Variants in SPTLC3 observed in about 807,000 individuals in gnomAD.
SPTLC3 encodes the protein serine palmitoyltransferase 3.
Under a neutral mutation model 59.3 loss-of-function variants are expected in SPTLC3, and 36 were observed. That is an observed-to-expected ratio of 0.61 (90% CI 0.47 to 0.80). SPTLC3 has a LOEUF of 0.80. Ranked by LOEUF, SPTLC3 falls within the 30% of genes least tolerant of loss-of-function variation. The pLI is 0.00. For missense variants in SPTLC3, 625 were observed against 685.1 expected (o/e 0.91, Z 0.98); for synonymous variants, 257 against 240.8 (o/e 1.07, Z -0.62).
chr20:13,021,239 C>G (rs1327965033), intron 1 of SPTLC3, among the ~76,000 whole-genome samples: 1 of 152,176 alleles, frequency 6.6e-6, no homozygotes, highest in Non-Finnish European at 1.5e-5. Context: ...TCCTCCTCCT[C>G]TCTTTGACCT....
intron 5 of SPTLC3, among the ~76,000 whole-genome samples, chr20:13,092,568 A>G (rs1989263816): frequency 1.3e-5 from 2 of 152,210 alleles, no homozygotes; most frequent in African/African-American, 4.8e-5. Flanking sequence ...GGATGTGATC[A>G]CTGAATTGTG....
chr20:13,121,618 C>T (rs2037869272), intron 8 of SPTLC3, among the ~76,000 whole-genome samples: 1 of 152,170 alleles, frequency 6.6e-6, no homozygotes, highest in Non-Finnish European at 1.5e-5. Context: ...CCAGACTCGC[C>T]TTGCAAAAGA....
chr20:13,107,523 T>C (rs1247563608), intron 6 of SPTLC3, among the ~76,000 whole-genome samples: 1 of 152,162 alleles, frequency 6.6e-6, no homozygotes, highest in Admixed American at 6.5e-5. Context: ...AATTTGTCAA[T>C]TAGGTAATAT....
At chr20:13,058,421 A>T (rs1005280004) in intron 2 of SPTLC3, among the ~76,000 whole-genome samples, 2 of 152,210 alleles carry the variant, frequency 1.3e-5, no homozygotes, top group Admixed American at 1.3e-4. Context: ...ATATACTAAT[A>T]AGTATGCAGC....
intron 1 of SPTLC3, among the ~76,000 whole-genome samples, chr20:13,046,649 A>G (rs1987245990): frequency 6.6e-6 from 1 of 152,148 alleles, no homozygotes; most frequent in African/African-American, 2.4e-5. Context: ...GATGTAGTCT[A>G]AAGTTCAAGT....
chr20:13,118,333 C>A (rs1181480939), intron 8 of SPTLC3, among the ~76,000 whole-genome samples: 7 of 151,232 alleles, frequency 4.6e-5, no homozygotes, highest in African/African-American at 1.5e-4. Flanking sequence ...AGGTCAAATC[C>A]TGCCATTCTC....
rs181127460 is a variant in SPTLC3, at chr20:13,149,873, C to T, written c.1280-4130C>T. Among the ~76,000 whole-genome samples, 9 of 152,224 alleles carry T rather than the reference C, an allele frequency of 5.9e-5. No homozygotes were observed. The East Asian group carries it at 9.7e-4, about 16-fold the overall frequency. On this transcript the variant is annotated intron_variant, in intron 9 of 11. Coordinates refer to ENST00000399002, the MANE Select transcript of SPTLC3 (RefSeq NM_018327.4). Reference sequence around the variant, plus strand: ...TGATAGATGAATCTTTATAGGCAAGCGCAAAGATAATGCCGTTGGGAAAAG... The same window carrying T: ...TGATAGATGAATCTTTATAGGCAAGTGCAAAGATAATGCCGTTGGGAAAAG...
intron 6 of SPTLC3, among the ~76,000 whole-genome samples, chr20:13,107,268 AACC>A (rs1453928541): frequency 6.6e-6 from 1 of 152,158 alleles, no homozygotes; most frequent in Non-Finnish European, 1.5e-5. Context: ...GAAGGTTGAG[AACC>A]ACTGGAAGAT....
chr20:13,118,757 A>T (rs1990736864), intron 8 of SPTLC3, among the ~76,000 whole-genome samples: 1 of 152,220 alleles, frequency 6.6e-6, no homozygotes, highest in Admixed American at 6.5e-5. Flanking sequence ...GAACAGGAAC[A>T]AGAGTTCAGA....
intron 1 of SPTLC3, among the ~76,000 whole-genome samples, chr20:13,025,194 C>G (rs1342557646): frequency 6.6e-6 from 1 of 152,082 alleles, no homozygotes; most frequent in East Asian, 1.9e-4. Flanking sequence ...TATGTTCACC[C>G]TTTTATAAAT....
intron 9 of SPTLC3, among the ~76,000 whole-genome samples, chr20:13,146,842 A>C (rs2038522303): frequency 6.6e-6 from 1 of 152,156 alleles, no homozygotes; most frequent in Non-Finnish European, 1.5e-5. Context: ...CGAGTTTACC[A>C]GTTTTTCCAA....
At chr20:13,140,079 C>T (rs956848526) in intron 9 of SPTLC3, among the ~76,000 whole-genome samples, 1 of 152,034 alleles carries the variant, frequency 6.6e-6, no homozygotes, top group East Asian at 1.9e-4. Context: ...AATAATTCCT[C>T]AGAAGAAATT....
chr20:13,077,808 G>T (rs1383453611), intron 4 of SPTLC3, among the ~76,000 whole-genome samples: 1 of 151,252 alleles, frequency 6.6e-6, no homozygotes, highest in African/African-American at 2.4e-5. Flanking sequence ...AAGAGTTAGA[G>T]TTTCATTCTG....
In SPTLC3 at chr20:13,045,561, A is replaced by G. The variant is rs115419416; in HGVS notation, c.118-3384A>G. Among the ~76,000 whole-genome samples, 657 of 152,294 alleles carry G rather than the reference A, an allele frequency of 4.3e-3. 5 individuals carry two copies. Among genetic ancestry groups the G allele is most frequent in the African/African-American group, 0.015 (643 of 41,564 alleles). ...CTAGCTATCTCTTAAGGAGACCAAT[A>G]CATTTCCAGATAGCTTTTTTCTCTG... is the stretch of plus-strand genomic sequence containing the variant. On this transcript the variant is annotated intron_variant, in intron 1 of 11. Coordinates refer to ENST00000399002, the MANE Select transcript of SPTLC3 (RefSeq NM_018327.4).
intron 1 of SPTLC3, among the ~76,000 whole-genome samples, chr20:13,024,122 C>T (rs752846316): frequency 6.6e-6 from 1 of 152,158 alleles, no homozygotes; most frequent in Non-Finnish European, 1.5e-5. Context: ...ACAACAACCA[C>T]GTGAGGTTGA....
In SPTLC3 at chr20:13,011,556, T is replaced by G. The variant is rs138879128; in HGVS notation, c.117+2172T>G. ...CATAACAAACATATGAAAATTACTA[T>G]TAGGCGGTGCTCATGAGTCCTCCTT... On this transcript the variant is annotated intron_variant, in intron 1 of 11. Transcript: ENST00000399002. Among the ~76,000 whole-genome samples, 26 of 152,280 alleles carry G rather than the reference T, an allele frequency of 1.7e-4. No homozygotes were observed. In the East Asian group the frequency reaches 4.8e-3, roughly 28 times the overall value.
At chr20:13,095,763 C>T (rs558074959) in intron 6 of SPTLC3, among the ~76,000 whole-genome samples, 2 of 152,218 alleles carry the variant, frequency 1.3e-5, no homozygotes, top group East Asian at 3.9e-4. Context: ...TGCCAGTGTG[C>T]CCTGGGATAT....
At position 13,029,279 on chromosome 20, in the gene SPTLC3, G is replaced by A. The variant is rs368815656; in HGVS notation, c.118-19666G>A. ...AAAAGTGCTCCACATGGTGACCTGC[G>A]AAAATGATTCAATGGTTGAATTAAA... is the stretch of plus-strand genomic sequence containing the variant. On this transcript the variant is annotated intron_variant, in intron 1 of 11. Coordinates refer to ENST00000399002, the MANE Select transcript of SPTLC3 (RefSeq NM_018327.4). Among the ~76,000 whole-genome samples, 442 of 152,248 alleles carry A rather than the reference G, an allele frequency of 2.9e-3. 4 individuals carry two copies. Among genetic ancestry groups the A allele is most frequent in the African/African-American group, 0.01 (426 of 41,540 alleles).
At chr20:13,116,900 C>T (rs1274521894) in intron 7 of SPTLC3, among the ~76,000 whole-genome samples, 4 of 144,208 alleles carry the variant, frequency 2.8e-5, no homozygotes, top group African/African-American at 9.9e-5. Flanking sequence ...GATGTTCACT[C>T]AACTTTCTGT....
Sources: gnomAD v4.1 joint callset for allele counts (sites outside exome capture counted in the v4.1 genomes callset) on GRCh38, gnomAD v4.1.1 for gene constraint, MANE v1.5 for transcripts, NCBI Gene and HGNC (gene_info 2026-07-23, HGNC 2026-07-21) for gene names.